MAST2: variants seen among roughly 807,000 people sequenced by gnomAD.
MAST2 encodes the protein microtubule-associated serine/threonine-protein kinase 2.
In MAST2, 70 loss-of-function variants were observed where a neutral mutation model predicts 147.4. The ratio of observed to expected loss-of-function variants is 0.47; its 90% CI spans 0.39 to 0.58. The LOEUF (loss-of-function observed/expected upper bound fraction) is 0.58, where lower values mean the gene tolerates loss of function less well. MAST2 is among the 20% of genes least tolerant of loss of function. The probability of loss-of-function intolerance (pLI) is 0.00; values close to 1 mark genes in which losing one functional copy is unlikely to be tolerated. For missense variants in MAST2, 2,080 were observed against 2,302.3 expected, an observed-to-expected ratio of 0.90 and a Z score of 1.98; for synonymous variants, 869 against 896.8, an observed-to-expected ratio of 0.97 and a Z score of 0.55.
Position 46,035,781 on chromosome 1 carries a change from G to T in MAST2, c.5112G>T (p.Lys1704Asn), listed in dbSNP as rs551412091. Residue 1704 changes from lysine to asparagine, a missense_variant, in exon 29 of 29, where the codon AAG becomes AAT. This residue lies in a region of MAST2 where 1,278 missense variants were observed against 1,304.2 expected (regional missense o/e 0.98). Transcript: ENST00000361297. The surrounding 1 kb of genome is among the most constrained non-coding windows in gnomAD (Gnocchi z 5.5). ...PKNLSPREQG[K>N]TQPPSAPRLA... is the part of the protein sequence containing the mutation. The stretch of plus-strand genomic sequence containing the variant: ...ACCTGTCTCCCAGGGAGCAGGGGAA[G>T]ACACAGCCACCTAGTGCCCCCAGAC... 25 of 1,613,974 alleles carry T rather than the reference G, an allele frequency of 1.5e-5. No homozygotes were observed. The highest frequency in any genetic ancestry group is 1.9e-5 in the Non-Finnish European group (23 of 1,180,034).
chr1:45,813,561 C>T (rs534943905), intron 1 of MAST2, among the ~76,000 whole-genome samples: 6 of 149,986 alleles, frequency 4.0e-5, no homozygotes, highest in South Asian at 2.1e-4. Flanking sequence ...TGCAGTGGCA[C>T]GATCTTGGCT....
intron 5 of MAST2, among the ~76,000 whole-genome samples, chr1:45,980,635 A>G (rs1051480333): frequency 1.3e-5 from 2 of 152,140 alleles, no homozygotes; most frequent in Non-Finnish European, 2.9e-5. Context: ...GCTGGGCTCA[A>G]ACAGTCCTCC....
chr1:46,034,796 C>T lies in MAST2; in HGVS notation c.4127C>T (p.Thr1376Ile). Residue 1376 changes from threonine (T) to isoleucine (I), a missense_variant, in exon 29 of 29, where the codon ACA (threonine) becomes ATA (isoleucine). Physicochemically the swap from Thr to Ile is moderately conservative, Grantham distance 89. Around this residue, in one of 4 missense-constraint regions of MAST2, gnomAD observed 1,278 missense variants for 1,304.2 expected, o/e 0.98. Coordinates refer to ENST00000361297, the MANE Select transcript of MAST2 (RefSeq NM_015112.3). ...LSGHVAQAFPTKLHLSPPLGR... is the reference protein window; with the variant it reads ...LSGHVAQAFPIKLHLSPPLGR... ...GGCCATGTAGCCCAGGCCTTTCCCA[C>T]AAAGCTTCACTTGTCACCTCCCCTG... 1 of 1,613,972 alleles carries T rather than the reference C, an allele frequency of 6.2e-7. No homozygotes were observed. The highest frequency in any genetic ancestry group is 1.7e-5 in the Admixed American group (1 of 59,932).
rs1189669121 is a variant in MAST2 at position 45,804,303 on chromosome 1, TAGTC to T, written c.177+234_177+237del. ...AAGAATGAAAAATTGGTGCAAGAGATAGTCAGGGGTTCTGGATGGGGCGAAAGGA... is the reference window on the plus strand; with the variant it reads ...AAGAATGAAAAATTGGTGCAAGAGATAGGGGTTCTGGATGGGGCGAAAGGA... On this transcript the variant is annotated intron_variant, in intron 1 of 28. Coordinates refer to ENST00000361297, the MANE Select transcript of MAST2 (RefSeq NM_015112.3). 7.9e-5 allele frequency among the ~76,000 whole-genome samples: 12 copies of T among 151,540 alleles called. 1 individual carries two copies. The highest frequency in any genetic ancestry group is 6.3e-4 in the South Asian group (3 of 4,770).
At chr1:45,961,212 C>T (rs765348614) in intron 5 of MAST2, among the ~76,000 whole-genome samples, 3 of 151,902 alleles carry the variant, frequency 2.0e-5, no homozygotes, top group Non-Finnish European at 4.4e-5. Flanking sequence ...TAAAGCAAAG[C>T]TCTCATTGTG....
Position 46,019,695 on chromosome 1 carries a change from C to G in MAST2, c.1288C>G (p.Leu430Val). 1 of 1,613,970 alleles carries G rather than the reference C, an allele frequency of 6.2e-7. No homozygotes were observed. The highest frequency in any genetic ancestry group is 8.5e-7 in the Non-Finnish European group (1 of 1,179,840). Residue 430 changes from leucine to valine, a missense_variant and splice_region_variant, in exon 11 of 29, where the codon CTG becomes GTG. Leu to Val is a conservative substitution (Grantham distance 32, BLOSUM62 1). This residue lies in a region of MAST2 where 569 missense variants were observed against 642.5 expected (regional missense o/e 0.89). Transcript: ENST00000361297. Reference protein sequence around the residue: ...IARPARLLECLEFDPEEFYHL... With the variant: ...IARPARLLECVEFDPEEFYHL... ...CCGCCCAGCACGTCTCCTGGAATGC[C>G]TGGTGAGTGGACTCTAGGAAAGTCA...
At chr1:46,033,602 C>G (rs1325181180) in intron 26 of MAST2, among the ~76,000 whole-genome samples, 200 bp from the exon 27 acceptor site, 2 of 152,174 alleles carry the variant, frequency 1.3e-5, no homozygotes, top group Admixed American at 1.3e-4. Flanking sequence ...TACCTTCTTA[C>G]CCCAAACCAC....
chr1:45,808,467 C>T (rs1044833519), intron 1 of MAST2, among the ~76,000 whole-genome samples: 2 of 152,164 alleles, frequency 1.3e-5, no homozygotes, highest in Admixed American at 1.3e-4. Flanking sequence ...CCTTGGCCTC[C>T]CAAAGTATTA....
At chr1:45,880,246 A>G (rs1646784572) in intron 3 of MAST2, among the ~76,000 whole-genome samples, 1 of 152,248 alleles carries the variant, frequency 6.6e-6, no homozygotes, top group African/African-American at 2.4e-5. Context: ...GTTACCTGCA[A>G]CAACATGGAT....
At chr1:45,862,274 G>T (rs1570419403) in intron 3 of MAST2, among the ~76,000 whole-genome samples, 1 of 152,236 alleles carries the variant, frequency 6.6e-6, no homozygotes, top group Admixed American at 6.5e-5. Context: ...ACCTTATAAG[G>T]TAGATGGTTG....
At chr1:45,948,705 T>TAAA (rs1658467611) in intron 4 of MAST2, among the ~76,000 whole-genome samples, 1 of 13,232 alleles carries the variant, frequency 7.6e-5, no homozygotes, top group Non-Finnish European at 1.1e-4. Context: ...AGACTCCATC[T>TAAA]CAAAAAAAAA....
At chr1:45,911,168 C>A (rs1233906488) in intron 4 of MAST2, among the ~76,000 whole-genome samples, 3 of 152,152 alleles carry the variant, frequency 2.0e-5, no homozygotes, top group East Asian at 3.8e-4. Context: ...AGCCCTGTCA[C>A]CAGTCCCAGG....
At chr1:45,952,196 G>A (rs1404847556) in intron 4 of MAST2, among the ~76,000 whole-genome samples, 2 of 152,308 alleles carry the variant, frequency 1.3e-5, no homozygotes, top group South Asian at 2.1e-4. Context: ...TTTTATGAAA[G>A]GATTAACAAT....
At chr1:45,994,432 A>G (rs1173130915) in intron 5 of MAST2, among the ~76,000 whole-genome samples, 1 of 151,850 alleles carries the variant, frequency 6.6e-6, no homozygotes, top group Non-Finnish European at 1.5e-5. Context: ...GATTACAGGC[A>G]TGTGCCAGCA....
intron 8 of MAST2, among the ~76,000 whole-genome samples, chr1:46,007,642 A>T (rs934297450): frequency 4.3e-4 from 65 of 152,246 alleles, no homozygotes; most frequent in African/African-American, 1.5e-3. Flanking sequence ...GGCAAGACCC[A>T]CATACCCATT....
At chr1:46,030,985 C>T in intron 22 of MAST2, 22 bp from the exon 23 acceptor site, 4 of 1,608,476 alleles carry the variant, frequency 2.5e-6, no homozygotes, top group Non-Finnish European at 3.4e-6. Context: ...GGGTCACTCA[C>T]CCCAGGCCTT....
chr1:45,905,542 G>A (rs972454067), intron 4 of MAST2, among the ~76,000 whole-genome samples: 1 of 152,120 alleles, frequency 6.6e-6, no homozygotes, highest in Non-Finnish European at 1.5e-5. Flanking sequence ...ACTTTTGGAG[G>A]CCAAGGCGCG....
At chr1:45,964,446 A>AG (rs1373719699) in intron 5 of MAST2, among the ~76,000 whole-genome samples, 1 of 152,086 alleles carries the variant, frequency 6.6e-6, no homozygotes, top group Non-Finnish European at 1.5e-5. Flanking sequence ...TAGTCTTGGG[A>AG]GGGGGTATGT....
chr1:45,825,852 A>C (rs1332290005), intron 2 of MAST2, among the ~76,000 whole-genome samples: 1 of 151,934 alleles, frequency 6.6e-6, no homozygotes, highest in Non-Finnish European at 1.5e-5. Context: ...CAAGGCAGGC[A>C]GATCACCTGA....
Sources: gnomAD v4.1 joint callset for allele counts (sites outside exome capture counted in the v4.1 genomes callset) on GRCh38, gnomAD v4.1.1 for gene constraint, gnomAD v4.1.1 regional missense constraint, Gnocchi (gnomAD v3.1) non-coding constraint, MANE v1.5 for transcripts, NCBI Gene and HGNC (gene_info 2026-07-23, HGNC 2026-07-21) for gene names.